The following TLN2 variants were observed in gnomAD, a reference collection of about 807,000 sequenced individuals.
The protein encoded by TLN2 is talin-2.
A neutral mutation model predicts 294.7 loss-of-function variants in TLN2; 118 were observed. The observed-to-expected ratio is 0.40, with a 90% CI of 0.34 to 0.47. The LOEUF is 0.47. TLN2 is among the 20% of genes least tolerant of loss of function. The probability of loss-of-function intolerance (pLI) is 0.84; values close to 1 mark genes in which losing one functional copy is unlikely to be tolerated. For missense variants in TLN2, 3,083 were observed against 3,282.2 expected (o/e 0.94, Z 1.48); for synonymous variants, 1,431 against 1,304.5 (o/e 1.10, Z -2.09).
chr15:62,496,877 T>C (rs1164493677), intron 1 of TLN2, among the ~76,000 whole-genome samples: 1 of 152,214 alleles, frequency 6.6e-6, no homozygotes, highest in Admixed American at 6.5e-5. Flanking sequence ...TAAAATGAGC[T>C]GTGTTCTGTA....
At chr15:62,756,260 A>G (rs2062243659) in intron 37 of TLN2, among the ~76,000 whole-genome samples, 1 of 152,244 alleles carries the variant, frequency 6.6e-6, no homozygotes, top group Non-Finnish European at 1.5e-5. Context: ...TCTGGTGTTC[A>G]TTAAAAATTC....
chr15:62,650,236 C>G, intron 5 of TLN2, 55 bp downstream of exon 5: 4 of 1,553,616 alleles, frequency 2.6e-6, no homozygotes, highest in Non-Finnish European at 3.6e-6. Context: ...GGGCCTTCTT[C>G]CATAGACGCC....
chr15:62,695,927 C>T (rs1265410445), intron 14 of TLN2, among the ~76,000 whole-genome samples: 2 of 152,188 alleles, frequency 1.3e-5, no homozygotes, highest in East Asian at 1.9e-4. Flanking sequence ...CTTCCCCTGC[C>T]TGGGATCACT....
intron 1 of TLN2, among the ~76,000 whole-genome samples, chr15:62,439,602 C>A (rs528634765): frequency 3.4e-4 from 52 of 152,128 alleles, no homozygotes; most frequent in Non-Finnish European, 6.8e-4. Context: ...TGTGAGCCAC[C>A]GTGCGCCTAT....
chr15:62,399,272 A>AAAAT (rs2032828785), intron 1 of TLN2, among the ~76,000 whole-genome samples: 2 of 148,898 alleles, frequency 1.3e-5, no homozygotes, highest in African/African-American at 2.5e-5. Context: ...AAAAAAAAAA[A>AAAAT]AAAAAAAAAA....
intron 1 of TLN2, among the ~76,000 whole-genome samples, chr15:62,466,830 A>G (rs1458889474): frequency 1.3e-5 from 2 of 152,194 alleles, no homozygotes; most frequent in Non-Finnish European, 2.9e-5. Context: ...TGGGATGCTG[A>G]TGACACTGAC....
At chr15:62,622,308 G>C (rs1463354261) in intron 3 of TLN2, among the ~76,000 whole-genome samples, 1 of 152,138 alleles carries the variant, frequency 6.6e-6, no homozygotes, top group Non-Finnish European at 1.5e-5. Flanking sequence ...AAGGGTGTGA[G>C]TGTGTGTGTG....
At chr15:62,675,371 C>G (rs368891446) in intron 11 of TLN2, 50 bp downstream of exon 11, 27 of 1,588,658 alleles carry the variant, frequency 1.7e-5, no homozygotes, top group East Asian at 8.9e-5. Flanking sequence ...CTTCTTTTTT[C>G]TTTTGTTCAA....
chr15:62,553,118 C>T (rs1476465865), intron 1 of TLN2, among the ~76,000 whole-genome samples: 2 of 152,150 alleles, frequency 1.3e-5, no homozygotes, highest in South Asian at 2.1e-4. Context: ...CTACATACAT[C>T]ATGAAAAAGG....
Position 62,725,040 on chromosome 15 carries a change from A to T in TLN2, c.3191A>T (p.Asn1064Ile), listed in dbSNP as rs980532732. ...CTGAATACGGTGCAGACGCTTAAGA[A>T]TGAACTGCAGGATGCCAAGATGGCA... ...SALNTVQTLK[N>I]ELQDAKMAAV... is the part of the protein sequence containing the mutation. The change falls in exon 27 of 59, where the codon AAT becomes ATT. Residue 1064 changes from asparagine to isoleucine, a missense_variant. Transcript: ENST00000636159. 1 of 1,613,588 alleles carries T rather than the reference A, an allele frequency of 6.2e-7. No individual in the cohort carries two copies. The highest frequency in any genetic ancestry group is 8.5e-7 in the Non-Finnish European group (1 of 1,179,850).
At chr15:62,446,021 T>A (rs2035803849) in intron 1 of TLN2, among the ~76,000 whole-genome samples, 1 of 152,020 alleles carries the variant, frequency 6.6e-6, no homozygotes, top group Non-Finnish European at 1.5e-5. Context: ...TTATTTTTAT[T>A]TTTTTGAGAC....
intron 14 of TLN2, 75 bp downstream of exon 14, chr15:62,694,467 T>G: frequency 8.0e-7 from 1 of 1,248,836 alleles, no homozygotes. Context: ...GCTTGGAGCC[T>G]GCTGCTCTGA....
chr15:62,737,034 A>T lies in TLN2; in HGVS notation c.3515A>T (p.Lys1172Met). ...EGSAMLIQEAKQALIAPGDAE... is the reference protein window; with the variant it reads ...EGSAMLIQEAMQALIAPGDAE... Reference sequence around the variant, plus strand: ...TCCGCCATGCTCATTCAAGAGGCCAAGCAGGCCCTGATTGCACCTGGAGAT... The same window carrying T: ...TCCGCCATGCTCATTCAAGAGGCCATGCAGGCCCTGATTGCACCTGGAGAT... Residue 1172 changes from lysine to methionine, a missense_variant, in exon 29 of 59, where the codon AAG becomes ATG. By Grantham distance (95) the Lys-to-Met change is moderately conservative. Transcript: ENST00000636159. 1 of 1,614,230 alleles carries T rather than the reference A, an allele frequency of 6.2e-7. No homozygotes were observed.
rs149470208 is a variant in TLN2, at chr15:62,759,904, A to T, written c.4639-1777A>T. Among the ~76,000 whole-genome samples, 239 of 152,308 alleles carry T rather than the reference A, an allele frequency of 1.6e-3. 3 individuals carry two copies. The East Asian group carries it at 0.032, about 20-fold the overall frequency. The stretch of plus-strand genomic sequence containing the variant: ...CACCCTGCCTCGCACTGGTGTTCTC[A>T]AATTGCTCTGAAGTCTGGTAAACCC... On this transcript the variant is annotated intron_variant, in intron 37 of 58. Coordinates refer to ENST00000636159, the MANE Select transcript of TLN2 (RefSeq NM_015059.3).
intron 2 of TLN2, among the ~76,000 whole-genome samples, chr15:62,593,279 C>G (rs939436736): frequency 2.0e-5 from 3 of 152,218 alleles, no homozygotes; most frequent in Non-Finnish European, 4.4e-5. Context: ...ATCATTTGGT[C>G]TCCCACCTGC....
intron 1 of TLN2, among the ~76,000 whole-genome samples, chr15:62,552,677 A>G (rs1471168641): frequency 6.6e-6 from 1 of 152,264 alleles, no homozygotes; most frequent in African/African-American, 2.4e-5. Context: ...TGTATGTTAG[A>G]TAAGCTGCAT....
rs200809264 is a variant in TLN2 at position 62,838,966 on chromosome 15, G to T, written c.7485G>T (p.Val2495=). ...ATGTTGTAGTGAAAACCAAGTTTGT[G>T]GGGGGCATTGCTCAGGTTTGTAATT... The part of the protein sequence containing the change: ...DDDVVVKTKF[V]GGIAQIIAAQ... Residue 2495 remains valine, a synonymous_variant, in exon 58 of 59, where the codon GTG becomes GTT. Coordinates refer to ENST00000636159, the MANE Select transcript of TLN2 (RefSeq NM_015059.3). The T allele has an allele frequency of 5.7e-5, 92 of 1,614,104 alleles. No homozygotes were observed. The Middle Eastern group carries it at 8.2e-4, about 14-fold the overall frequency.
chr15:62,800,529 GTTCTC>G, intron 49 of TLN2, 36 bp downstream of exon 49: 1 of 1,612,416 alleles, frequency 6.2e-7, no homozygotes. Context: ...GAGCACCTGA[GTTCTC>G]TTCTCACTTA....
intron 40 of TLN2, 145 bp downstream of exon 40, chr15:62,763,840 C>A: frequency 7.8e-7 from 1 of 1,283,936 alleles, no homozygotes; most frequent in Non-Finnish European, 1.0e-6. Context: ...TCTGTGGAGC[C>A]AATCTGGGAA....
Sources: allele counts gnomAD v4.1 joint callset (sites outside exome capture counted in the v4.1 genomes callset), GRCh38; gene constraint gnomAD v4.1.1; transcripts MANE v1.5; gene names NCBI Gene and HGNC (gene_info 2026-07-23, HGNC 2026-07-21).